Variants in EYS observed in about 807,000 individuals in gnomAD.
EYS encodes EGF-like photoreceptor maintenance factor, also known as protein eyes shut homolog.
EYS carries 250 observed loss-of-function variants against 282.1 expected under a neutral mutation model. The observed-to-expected ratio is 0.89, with a 90% confidence interval of 0.80 to 0.98. The LOEUF (loss-of-function observed/expected upper bound fraction) is 0.98, where lower values mean the gene tolerates loss of function less well. EYS is among the 50% of genes least tolerant of loss of function. The probability of loss-of-function intolerance (pLI) is 0.00; values close to 1 mark genes in which losing one functional copy is unlikely to be tolerated. For missense variants in EYS, 4,016 were observed against 3,709.0 expected (o/e 1.08, Z -2.15); for synonymous variants, 1,355 against 1,282.9 (o/e 1.06, Z -1.20).
chr6:65,279,071 C>T (rs1768145078), intron 12 of EYS, among the ~76,000 whole-genome samples: 1 of 152,126 alleles, frequency 6.6e-6, no homozygotes. Flanking sequence ...TCCTGTAGTC[C>T]TAGCTAATCA....
intron 2 of EYS, among the ~76,000 whole-genome samples, chr6:65,585,651 C>A (rs373773444): frequency 1.3e-5 from 2 of 151,772 alleles, no homozygotes; most frequent in South Asian, 2.1e-4. Flanking sequence ...AATGAGAAGA[C>A]AATTTTAAAC....
At chr6:65,542,263 T>C (rs1483523753) in intron 2 of EYS, among the ~76,000 whole-genome samples, 1 of 152,152 alleles carries the variant, frequency 6.6e-6, no homozygotes, top group Non-Finnish European at 1.5e-5. Flanking sequence ...CAACTAGATA[T>C]AGTAGGCATC....
intron 12 of EYS, among the ~76,000 whole-genome samples, chr6:65,114,353 GA>G (rs779655768): frequency 4.9e-4 from 67 of 138,088 alleles, no homozygotes; most frequent in Middle Eastern, 3.8e-3. Flanking sequence ...AAGTAGATTT[GA>G]AAAAAAAAAA....
chr6:64,944,756 G>T (rs185325074), intron 15 of EYS, among the ~76,000 whole-genome samples: 8 of 152,108 alleles, frequency 5.3e-5, no homozygotes, highest in Admixed American at 5.2e-4. Flanking sequence ...TATAAAACCC[G>T]ATTGTACATT....
At position 64,227,173 on chromosome 6, in the gene EYS, G is replaced by A. The variant is rs567709987; in HGVS notation, c.6424+3419C>T. Among the ~76,000 whole-genome samples, 9 of 151,864 alleles carry A rather than the reference G, an allele frequency of 5.9e-5. No homozygotes were observed. In the South Asian group the frequency reaches 1.9e-3, roughly 32 times the overall value. ...ATCTGCTTTTTATATTTTAGTTTAA[G>A]TGAAATCATTATGAAAAGATATGAC... is the stretch of plus-strand genomic sequence containing the variant. On this transcript the variant is annotated intron_variant, in intron 31 of 42. Coordinates refer to ENST00000503581, the MANE Select transcript of EYS (RefSeq NM_001142800.2).
intron 34 of EYS, among the ~76,000 whole-genome samples, chr6:63,993,755 T>C (rs1231155219): frequency 6.6e-6 from 1 of 151,860 alleles, no homozygotes; most frequent in East Asian, 1.9e-4. Flanking sequence ...ATACAATCCA[T>C]ACCAAAATTC....
rs572202063 is a variant in EYS, at chr6:63,906,943, A to G, written c.7056-42585T>C. 2.0e-5 allele frequency among the ~76,000 whole-genome samples: 3 copies of G among 152,154 alleles called. No individual in the cohort carries two copies. In the East Asian group the frequency reaches 5.8e-4, roughly 29 times the overall value. ...AGGACCTGGAGGGGAGCAATAATGA[A>G]AAAACAATAGACTGAGGAACACTGG... On this transcript the variant is annotated intron_variant, in intron 35 of 42. Coordinates refer to ENST00000503581, the MANE Select transcript of EYS (RefSeq NM_001142800.2).
At chr6:64,225,213 T>A (rs1288417520) in intron 31 of EYS, among the ~76,000 whole-genome samples, 1 of 152,142 alleles carries the variant, frequency 6.6e-6, no homozygotes, top group East Asian at 1.9e-4. Flanking sequence ...ACACTAGATA[T>A]CCACTCAATA....
intron 35 of EYS, among the ~76,000 whole-genome samples, chr6:63,894,141 T>C (rs750005419): frequency 1.3e-5 from 2 of 152,162 alleles, no homozygotes; most frequent in Non-Finnish European, 2.9e-5. Context: ...CCCCCACTTT[T>C]CCCTGGCACA....
intron 35 of EYS, among the ~76,000 whole-genome samples, chr6:63,974,951 A>G (rs1049080469): frequency 2.6e-5 from 4 of 151,948 alleles, no homozygotes; most frequent in African/African-American, 9.7e-5. Context: ...ACACTTAAAC[A>G]TTGGTAAGAG....
chr6:65,223,905 G>A (rs1766544569), intron 12 of EYS, among the ~76,000 whole-genome samples: 3 of 152,072 alleles, frequency 2.0e-5, no homozygotes, highest in Admixed American at 2.0e-4. Flanking sequence ...AGCTCACAAT[G>A]GATACTAGGC....
chr6:65,443,326 G>A lies in EYS; in HGVS notation c.863-37959C>T, dbSNP rs111209873. ...TGTGTGTACACATATAGACATATAT[G>A]CATACATGTATGTACACATATAGAC... is the stretch of plus-strand genomic sequence containing the variant. On this transcript the variant is annotated intron_variant, in intron 5 of 42. Transcript: ENST00000503581. Among the ~76,000 whole-genome samples the A allele has an allele frequency of 2.3e-3, 307 of 130,686 alleles. 19 individuals are homozygous for A. Among genetic ancestry groups the A allele is most frequent in the East Asian group, 0.019 (63 of 3,368 alleles). The allele number at this position is 130,686 out of a possible 152,430, so 85.7% of individuals were successfully genotyped here.
intron 5 of EYS, among the ~76,000 whole-genome samples, chr6:65,462,491 T>G (rs1179800864): frequency 6.6e-6 from 1 of 152,100 alleles, no homozygotes; most frequent in Non-Finnish European, 1.5e-5. Flanking sequence ...GTCTTTACAT[T>G]GAACAATAAC....
chr6:65,344,424 T>C (rs1322275653), intron 9 of EYS, among the ~76,000 whole-genome samples: 4 of 151,548 alleles, frequency 2.6e-5, no homozygotes, highest in East Asian at 1.9e-4. Flanking sequence ...GGCCAATTCA[T>C]TTTTTAAAAT....
chr6:64,524,916 T>C (rs1447757632), intron 26 of EYS, among the ~76,000 whole-genome samples: 4 of 151,714 alleles, frequency 2.6e-5, no homozygotes, highest in Non-Finnish European at 5.9e-5. Context: ...CCAACAAGCA[T>C]ATGAAGAAAA....
rs1014872155 is a variant in EYS at position 65,681,993 on chromosome 6, A to G, written c.-448+25142T>C. 2.0e-5 allele frequency among the ~76,000 whole-genome samples: 3 copies of G among 151,956 alleles called. No homozygotes were observed. The South Asian group carries it at 6.2e-4, about 31-fold the overall frequency. On this transcript the variant is annotated intron_variant, in intron 1 of 42. Coordinates refer to ENST00000503581, the MANE Select transcript of EYS (RefSeq NM_001142800.2). The stretch of plus-strand genomic sequence containing the variant: ...TAATCACGTTGACCCCTACCTAACA[A>G]ATAGTCTTCAATACTTTTCCACTAG...
chr6:64,735,891 G>T (rs1772170542), intron 22 of EYS, among the ~76,000 whole-genome samples: 3 of 151,968 alleles, frequency 2.0e-5, no homozygotes, highest in Non-Finnish European at 1.5e-5. Context: ...CACACTGGGA[G>T]ACTGAAAACA....
intron 42 of EYS, among the ~76,000 whole-genome samples, chr6:63,723,744 G>T (rs1768499846): frequency 6.6e-6 from 1 of 151,210 alleles, no homozygotes; most frequent in South Asian, 2.1e-4. Flanking sequence ...ATTTCATTGC[G>T]TTAGGATATG....
At chr6:63,998,488 A>AT (rs1767935305) in intron 34 of EYS, among the ~76,000 whole-genome samples, 1 of 152,234 alleles carries the variant, frequency 6.6e-6, no homozygotes, top group Admixed American at 6.5e-5. Flanking sequence ...CATGATGATC[A>AT]AATGAACTAG....
Sources: gnomAD v4.1 joint callset for allele counts (sites outside exome capture counted in the v4.1 genomes callset) on GRCh38, gnomAD v4.1.1 for gene constraint, MANE v1.5 for transcripts, NCBI Gene and HGNC (gene_info 2026-07-23, HGNC 2026-07-21) for gene names.